Variants in ADH6 observed in about 807,000 individuals in gnomAD.
ADH6 encodes alcohol dehydrogenase 6.
ADH6 carries 34 observed loss-of-function variants against 36.5 expected under a neutral mutation model. That is an observed-to-expected ratio of 0.93 (90% CI 0.71 to 1.24). The LOEUF is 1.24. Among genes scored for constraint, ADH6 ranks in the 50% most tolerant of loss-of-function variants. ADH6 has a pLI of 0.00. For synonymous variants in ADH6, 161 were observed against 155.5 expected (o/e 1.04, Z -0.26); for missense variants, 440 against 447.0 (o/e 0.98, Z 0.14).
chr4:99,208,739 C>A lies in ADH6; in HGVS notation c.757G>T (p.Glu253Ter), dbSNP rs868358288. The change falls in exon 6 of 9, where the codon GAA becomes TAA. Residue 253 changes from glutamate to a stop codon, truncating the protein, a stop_gained. Transcript: ENST00000394899. LOFTEE classifies it high-confidence loss of function. ...GCATCTGTCATATCAAATAAAACTT[C>A]TTGAATGGGTTTCTTTAAGTCCTGA... ...NPQDLKKPIQ[E>*]VLFDMTDAGI... The A allele has an allele frequency of 6.2e-7, 1 of 1,613,866 alleles. No individual in the cohort carries two copies. Among genetic ancestry groups the A allele is most frequent in the Admixed American group, 1.7e-5 (1 of 60,004 alleles).
Position 99,208,724 on chromosome 4 carries a change from T to C in ADH6, c.772A>G (p.Met258Val), listed in dbSNP as rs755748319. 3 of 1,613,862 alleles carry C rather than the reference T, an allele frequency of 1.9e-6. No homozygotes were observed. Among genetic ancestry groups the C allele is most frequent in the African/African-American group, 1.3e-5 (1 of 75,022 alleles). ...CAGAAGTCTATACCAGCATCTGTCA[T>C]ATCAAATAAAACTTCTTGAATGGGT... The part of the protein sequence containing the change: ...KKPIQEVLFD[M>V]TDAGIDFCFE... Residue 258 changes from methionine (M) to valine (V), a missense_variant, in exon 6 of 9, where the codon ATG (methionine) becomes GTG (valine). Physicochemically the swap from Met to Val is conservative, Grantham distance 21. Transcript: ENST00000394899.
At chr4:99,204,356 G>C in intron 8 of ADH6, 113 bp from the exon 9 acceptor site, 1 of 1,472,682 alleles carries the variant, frequency 6.8e-7, no homozygotes, top group Non-Finnish European at 8.9e-7. Flanking sequence ...TTTCTCTTTA[G>C]GTGAAAAATG....
intron 6 of ADH6, 25 bp from the exon 7 acceptor site, chr4:99,207,606 T>C (rs746818944): frequency 5.0e-6 from 8 of 1,607,942 alleles, no homozygotes; most frequent in Non-Finnish European, 6.8e-6. Flanking sequence ...TGCAATACAG[T>C]ATAGGGGTTA....
Position 99,204,782 on chromosome 4 carries a change from A to G in ADH6, c.1103+143T>C, listed in dbSNP as rs1220260653. The G allele has an allele frequency of 1.8e-5, 24 of 1,332,500 alleles. No homozygotes were observed. In the South Asian group the frequency reaches 3.6e-4, roughly 20 times the overall value. 82.5% of individuals were successfully genotyped at this position (1,332,500 alleles called of 1,614,324 possible). ...AAAACAAAATGCAGAGGGGAAGGAG[A>G]TGCTTTACAAATTCCTGAAAGCCTC... On this transcript the variant is annotated intron_variant, in intron 8 of 8. Coordinates refer to ENST00000394899, the MANE Select transcript of ADH6 (RefSeq NM_001102470.2).
intron 3 of ADH6, among the ~76,000 whole-genome samples, chr4:99,210,729 C>T (rs1731195333): frequency 6.6e-6 from 1 of 152,166 alleles, no homozygotes; most frequent in Non-Finnish European, 1.5e-5. Flanking sequence ...TCTTGAGGAA[C>T]TGGCCCCAGA....
intron 2 of ADH6, among the ~76,000 whole-genome samples, chr4:99,213,977 T>TG: frequency 6.6e-6 from 1 of 152,128 alleles, no homozygotes; most frequent in Non-Finnish European, 1.5e-5. Flanking sequence ...CTGGGGAGTG[T>TG]GGGTAGAATG....
chr4:99,204,820 T>C, intron 8 of ADH6, 105 bp downstream of exon 8: 1 of 1,464,420 alleles, frequency 6.8e-7, no homozygotes, highest in South Asian at 1.5e-5. Flanking sequence ...CAATTATCAG[T>C]ATACAGCTTC....
At chr4:99,212,570 C>T (rs1266825167) in intron 3 of ADH6, among the ~76,000 whole-genome samples, 3 of 151,990 alleles carry the variant, frequency 2.0e-5, no homozygotes, top group African/African-American at 7.2e-5. Context: ...CAATAGATCT[C>T]AAAAAACTTA....
chr4:99,212,232 G>A (rs901224045), intron 3 of ADH6, among the ~76,000 whole-genome samples: 4 of 152,018 alleles, frequency 2.6e-5, no homozygotes, highest in African/African-American at 9.7e-5. Flanking sequence ...GCAAATCTAC[G>A]TTCCAAACAA....
intron 7 of ADH6, among the ~76,000 whole-genome samples, chr4:99,206,055 G>A (rs1731021358): frequency 6.6e-6 from 1 of 151,986 alleles, no homozygotes; most frequent in Admixed American, 6.6e-5. Flanking sequence ...ATTTTGATTG[G>A]TGATCTGATA....
rs993945698 is a variant in ADH6, at chr4:99,205,461, G to T, written c.965-398C>A. ...TTTTTGTGTGTGCATTCCCTCATGT[G>T]TATGTTTTGATCTGCCACTTCATAA... On this transcript the variant is annotated intron_variant, in intron 7 of 8. Coordinates refer to ENST00000394899, the MANE Select transcript of ADH6 (RefSeq NM_001102470.2). 2.6e-5 allele frequency among the ~76,000 whole-genome samples: 4 copies of T among 152,138 alleles called. No homozygotes were observed. In the East Asian group the frequency reaches 7.7e-4, roughly 29 times the overall value.
chr4:99,209,968 G>T, intron 5 of ADH6, 114 bp downstream of exon 5: 1 of 1,034,928 alleles, frequency 9.7e-7, no homozygotes, highest in Non-Finnish European at 1.4e-6. Flanking sequence ...AAGGATGTTT[G>T]GAGTCAGGCT....
rs1731556448 is a variant in ADH6 at position 99,219,230 on chromosome 4, G to A, written c.-78C>T. The A allele has an allele frequency of 3.0e-6, 4 of 1,321,448 alleles. No homozygotes were observed. Among genetic ancestry groups the A allele is most frequent in the Non-Finnish European group, 3.3e-6 (3 of 918,440 alleles). 81.9% of individuals were successfully genotyped at this position (1,321,448 alleles called of 1,614,324 possible). ...AACTTTCACTGTAGAAAGTACAAAG[G>A]TACACAGGCGACTGGTAGATCAGAA... is the stretch of plus-strand genomic sequence containing the variant. On this transcript the variant is annotated 5_prime_UTR_variant, in exon 1 of 9. Transcript: ENST00000394899.
Position 99,207,544 on chromosome 4 carries a change from A to T in ADH6, c.866T>A (p.Val289Asp), listed in dbSNP as rs1288065236. Residue 289 changes from valine (V) to aspartate (D), a missense_variant, in exon 7 of 9, where the codon GTC becomes GAC. Physicochemically the swap from Val to Asp is radical, Grantham distance 152. Transcript: ENST00000394899. ...ALASCNESYG[V>D]CVVVGVLPAS... is the part of the protein sequence containing the mutation. ...AGGCAACACCCCAACAACCACACAG[A>T]CCCCATAGCTCTCATTGCAGGAGGC... is the stretch of plus-strand genomic sequence containing the variant. The T allele has an allele frequency of 6.2e-7, 1 of 1,613,322 alleles. No individual in the cohort carries two copies. The highest frequency in any genetic ancestry group is 8.5e-7 in the Non-Finnish European group (1 of 1,179,630).
intron 3 of ADH6, 103 bp from the exon 4 acceptor site, chr4:99,210,605 G>T: frequency 1.2e-6 from 1 of 832,958 alleles, no homozygotes; most frequent in Non-Finnish European, 1.9e-6. Context: ...AGAAATGACA[G>T]CTGAAAATTA....
chr4:99,217,137 G>A (rs1397688265), intron 1 of ADH6, among the ~76,000 whole-genome samples: 1 of 152,138 alleles, frequency 6.6e-6, no homozygotes, highest in African/African-American at 2.4e-5. Flanking sequence ...CCGGGTTCAT[G>A]CCATTCTCCT....
Position 99,207,504 on chromosome 4 carries a change from G to A in ADH6, c.906C>T (p.Leu302=), listed in dbSNP as rs1268295039. The change falls in exon 7 of 9, where the codon CTC becomes CTT. Residue 302 remains leucine, a synonymous_variant. Transcript: ENST00000394899. The part of the protein sequence containing the change: ...VVGVLPASVQ[L]KISGQLFFSG... ...AGAAGAACAACTGGCCACTGATTTTGAGTTGAACACTGGCAGGCAACACCC... is the reference window on the plus strand; with the variant it reads ...AGAAGAACAACTGGCCACTGATTTTAAGTTGAACACTGGCAGGCAACACCC... The A allele has an allele frequency of 1.2e-6, 2 of 1,613,596 alleles. No individual in the cohort carries two copies. Among genetic ancestry groups the A allele is most frequent in the Admixed American group, 1.7e-5 (1 of 59,932 alleles).
intron 7 of ADH6, 33 bp from the exon 8 acceptor site, chr4:99,205,096 A>C: frequency 2.0e-6 from 3 of 1,530,846 alleles, no homozygotes; most frequent in Non-Finnish European, 1.8e-6. Flanking sequence ...AATTTTACAC[A>C]TGAGGCTTCA....
At chr4:99,209,658 C>T (rs1731156070) in intron 5 of ADH6, among the ~76,000 whole-genome samples, 1 of 152,086 alleles carries the variant, frequency 6.6e-6, no homozygotes, top group African/African-American at 2.4e-5. Flanking sequence ...TAGCATTTAT[C>T]ACTACCTAAT....
Sources: allele counts gnomAD v4.1 joint callset (sites outside exome capture counted in the v4.1 genomes callset), GRCh38; gene constraint gnomAD v4.1.1; transcripts MANE v1.5; gene names NCBI Gene and HGNC (gene_info 2026-07-23, HGNC 2026-07-21).